CTNND2: variants seen among roughly 807,000 people sequenced by gnomAD.
CTNND2 encodes the protein catenin delta-2.
In CTNND2, 22 loss-of-function variants were observed where a neutral mutation model predicts 144.4. The observed-to-expected ratio is 0.15, with a 90% CI of 0.11 to 0.22. CTNND2 has a LOEUF of 0.22. CTNND2 is among the 10% of genes least tolerant of loss of function. CTNND2 has a pLI of 1.00. For missense variants in CTNND2, 1,353 were observed against 1,618.8 expected (o/e 0.84, Z 2.82); for synonymous variants, 751 against 695.6 (o/e 1.08, Z -1.25).
At chr5:11,583,467 T>C (rs1320482538) in intron 2 of CTNND2, among the ~76,000 whole-genome samples, 2 of 152,208 alleles carry the variant, frequency 1.3e-5, no homozygotes, top group East Asian at 3.8e-4. Flanking sequence ...TCAGCTTCAG[T>C]TAAGTACACG....
intron 2 of CTNND2, among the ~76,000 whole-genome samples, chr5:11,644,431 C>T (rs1782237087): frequency 6.6e-6 from 1 of 152,110 alleles, no homozygotes. Context: ...TCTCAGCACC[C>T]TGGGAGGCCA....
intron 1 of CTNND2, among the ~76,000 whole-genome samples, chr5:11,770,576 CA>C (rs1431472280): frequency 6.6e-6 from 1 of 152,002 alleles, no homozygotes; most frequent in Non-Finnish European, 1.5e-5. Flanking sequence ...ACAGTGATCA[CA>C]AAAAACAGAG....
chr5:11,659,694 G>A (rs1280768098), intron 2 of CTNND2, among the ~76,000 whole-genome samples: 1 of 152,022 alleles, frequency 6.6e-6, no homozygotes. Context: ...CTATGATCAG[G>A]GCCACTGTTT....
At chr5:11,731,447 A>G (rs1787383473) in intron 2 of CTNND2, among the ~76,000 whole-genome samples, 1 of 152,174 alleles carries the variant, frequency 6.6e-6, no homozygotes, top group South Asian at 2.1e-4. Context: ...TAAAATTTTA[A>G]AAACCGTTAT....
chr5:11,588,654 T>C (rs1779027186), intron 2 of CTNND2: 1 of 669,348 alleles, frequency 1.5e-6, no homozygotes, highest in Non-Finnish European at 1.8e-6. Flanking sequence ...AAAACTTTAG[T>C]TAAAATTATC....
intron 2 of CTNND2, among the ~76,000 whole-genome samples, chr5:11,684,799 C>T (rs914679587): frequency 2.6e-5 from 4 of 152,274 alleles, no homozygotes; most frequent in East Asian, 3.9e-4. Context: ...CTGTACTACT[C>T]GAGGATTTTA....
chr5:11,807,095 T>G (rs984984243), intron 1 of CTNND2, among the ~76,000 whole-genome samples: 1 of 152,178 alleles, frequency 6.6e-6, no homozygotes, highest in Non-Finnish European at 1.5e-5. Flanking sequence ...AACTCTGTAT[T>G]ATTAAAATAA....
At chr5:11,902,477 G>C (rs1737991012) in intron 1 of CTNND2, among the ~76,000 whole-genome samples, 1 of 152,148 alleles carries the variant, frequency 6.6e-6, no homozygotes, top group African/African-American at 2.4e-5. Context: ...ACCAGCAGCA[G>C]AGACCAGCTG....
At chr5:11,055,634 T>C (rs780593123) in intron 16 of CTNND2, among the ~76,000 whole-genome samples, 4 of 152,156 alleles carry the variant, frequency 2.6e-5, no homozygotes, top group Non-Finnish European at 5.9e-5. Context: ...CCCACCTCCA[T>C]CTCCCCAGTT....
At chr5:11,332,706 G>A (rs1275863651) in intron 9 of CTNND2, among the ~76,000 whole-genome samples, 4 of 152,000 alleles carry the variant, frequency 2.6e-5, no homozygotes, top group East Asian at 3.9e-4. Context: ...ACTATTCTAG[G>A]TACTTCATGT....
intron 5 of CTNND2, among the ~76,000 whole-genome samples, chr5:11,401,301 A>G (rs1393439561): frequency 6.6e-6 from 1 of 152,194 alleles, no homozygotes; most frequent in Non-Finnish European, 1.5e-5. Context: ...TTTTAAAGAG[A>G]CTTTATTTGG....
chr5:10,987,588 C>T (rs937531476), intron 20 of CTNND2, among the ~76,000 whole-genome samples: 1 of 151,986 alleles, frequency 6.6e-6, no homozygotes, highest in Non-Finnish European at 1.5e-5. Context: ...AATATCTCAA[C>T]AGCAGTTTCA....
intron 3 of CTNND2, among the ~76,000 whole-genome samples, chr5:11,506,553 C>T (rs1771053121): frequency 6.6e-6 from 1 of 152,246 alleles, no homozygotes; most frequent in Admixed American, 6.5e-5. Context: ...ATTTTAGCTG[C>T]TCTTGCTACA....
At chr5:11,418,820 G>T (rs1036707272) in intron 3 of CTNND2, among the ~76,000 whole-genome samples, 2 of 151,938 alleles carry the variant, frequency 1.3e-5, no homozygotes, top group Admixed American at 1.3e-4. Context: ...ATACTATTTG[G>T]CAGGTAAACT....
In CTNND2 at chr5:11,110,967, A is replaced by G; in HGVS notation, c.2354T>C (p.Met785Thr). Reference protein sequence around the residue: ...LAAETSQGQHMGTDELDGLLC... With the variant: ...LAAETSQGQHTGTDELDGLLC... ...TAGCCCGTCCAGCTCGTCCGTGCCC[A>G]TGTGCTGTCCCTGAGACGTTTCTGC... The change falls in exon 14 of 22, where the codon ATG becomes ACG. Residue 785 changes from methionine (M) to threonine (T), a missense_variant. Met to Thr is a moderately conservative substitution (Grantham distance 81, BLOSUM62 -1). Transcript: ENST00000304623. 3 of 1,614,080 alleles carry G rather than the reference A, an allele frequency of 1.9e-6. No individual in the cohort carries two copies. In the South Asian group the frequency reaches 3.3e-5, roughly 18 times the overall value.
chr5:11,584,821 TGAGCA>T (rs1778715973), intron 2 of CTNND2, among the ~76,000 whole-genome samples: 1 of 152,218 alleles, frequency 6.6e-6, no homozygotes, highest in South Asian at 2.1e-4. Flanking sequence ...TTTGTTTTTT[TGAGCA>T]GAACTTGATC....
chr5:11,485,962 T>G (rs1424052940), intron 3 of CTNND2, among the ~76,000 whole-genome samples: 2 of 152,090 alleles, frequency 1.3e-5, no homozygotes, highest in Admixed American at 1.3e-4. Context: ...AAAAGGAGAC[T>G]GAACAATTTT....
intron 16 of CTNND2, 149 bp downstream of exon 16, chr5:11,082,547 A>C: frequency 1.2e-6 from 1 of 852,910 alleles, no homozygotes; most frequent in Non-Finnish European, 1.8e-6. Flanking sequence ...GTGGATTTAA[A>C]TCAGAAGGAC....
At chr5:11,591,541 A>G (rs548422991) in intron 2 of CTNND2, among the ~76,000 whole-genome samples, 2 of 119,746 alleles carry the variant, frequency 1.7e-5, no homozygotes, top group East Asian at 4.4e-4. Flanking sequence ...CATTTCAGCA[A>G]TAGCTATTTT....
Sources: gnomAD v4.1 joint callset for allele counts (sites outside exome capture counted in the v4.1 genomes callset) on GRCh38, gnomAD v4.1.1 for gene constraint, MANE v1.5 for transcripts, NCBI Gene and HGNC (gene_info 2026-07-23, HGNC 2026-07-21) for gene names.